Variants in MTSS2 observed in about 807,000 individuals in gnomAD.
MTSS2 encodes the protein protein MTSS 2.
In MTSS2, 27 loss-of-function variants were observed where a neutral mutation model predicts 67.1. That is an observed-to-expected ratio of 0.40 (90% CI 0.30 to 0.55). The LOEUF (loss-of-function observed/expected upper bound fraction) is 0.55, where lower values mean the gene tolerates loss of function less well. Among genes scored for constraint, MTSS2 ranks in the 20% least tolerant of loss-of-function variants. The pLI is 0.43. For synonymous variants in MTSS2, 624 were observed against 468.6 expected, an observed-to-expected ratio of 1.33 and a Z score of -4.28; for missense variants, 1,171 against 1,067.8, an observed-to-expected ratio of 1.10 and a Z score of -1.35.
intron 7 of MTSS2, 89 bp downstream of exon 7, chr16:70,679,226 A>G: frequency 6.7e-7 from 1 of 1,496,614 alleles, no homozygotes; most frequent in Non-Finnish European, 9.3e-7. Context: ...TGGCCTGGAG[A>G]GGTTCCTTCC....
intron 1 of MTSS2, among the ~76,000 whole-genome samples, chr16:70,681,682 T>G (rs1567507535): frequency 6.6e-6 from 1 of 152,208 alleles, no homozygotes. Context: ...AGAGCCACCT[T>G]TCTCCACCCC....
rs919648669 is a variant in MTSS2 at position 70,679,178 on chromosome 16, C to T, written c.466+137G>A. The T allele has an allele frequency of 4.6e-6, 5 of 1,089,306 alleles. No homozygotes were observed. The African/African-American group carries it at 7.8e-5, about 17-fold the overall frequency. The allele number at this position is 1,089,306 out of a possible 1,614,324, so 67.5% of individuals were successfully genotyped here. ...GCCCCAGGGGGACTGTGCCCCAGGCCCCTCCCTCGTGGACCGACCGCCTTC... is the reference window on the plus strand; with the variant it reads ...GCCCCAGGGGGACTGTGCCCCAGGCTCCTCCCTCGTGGACCGACCGCCTTC... On this transcript the variant is annotated intron_variant, in intron 7 of 14. Coordinates refer to ENST00000338779, the MANE Select transcript of MTSS2 (RefSeq NM_138383.3).
chr16:70,677,787 C>A lies in MTSS2; in HGVS notation c.732+5G>T, dbSNP rs113028668. ...CCCTGGCCCTTGGCCAGAGGGCTCC[C>A]GCACCTGCTCGCTGGCGGGAGGCAG... On this transcript the variant is annotated splice_donor_5th_base_variant and intron_variant, in intron 9 of 14. Transcript: ENST00000338779. The A allele has an allele frequency of 1.2e-6, 2 of 1,604,342 alleles. No homozygotes were observed. Among genetic ancestry groups the A allele is most frequent in the Non-Finnish European group, 1.7e-6 (2 of 1,176,184 alleles).
At chr16:70,671,179 C>T (rs897705014) in intron 11 of MTSS2, among the ~76,000 whole-genome samples, 2 of 151,794 alleles carry the variant, frequency 1.3e-5, no homozygotes, top group Admixed American at 6.6e-5. Context: ...ACTTGGGAGG[C>T]TGGCACAGGC....
chr16:70,685,046 G>A (rs2142949502), intron 1 of MTSS2, among the ~76,000 whole-genome samples: 1 of 152,296 alleles, frequency 6.6e-6, no homozygotes, highest in Non-Finnish European at 1.5e-5. Flanking sequence ...TGAGAGCCCA[G>A]GGTGGTAATG....
intron 11 of MTSS2, 100 bp downstream of exon 11, chr16:70,674,203 TATA>T: frequency 1.7e-5 from 3 of 175,444 alleles, no homozygotes; most frequent in Non-Finnish European, 2.9e-5. Flanking sequence ...TCTCAACAGC[TATA>T]GTAGTCTCAA....
At chr16:70,682,580 C>T (rs920130648) in intron 1 of MTSS2, among the ~76,000 whole-genome samples, 1 of 151,994 alleles carries the variant, frequency 6.6e-6, no homozygotes, top group African/African-American at 2.4e-5. Flanking sequence ...AGATGGGGCG[C>T]AGGGGAGGCC....
rs1216547774 is a variant in MTSS2 at position 70,663,785 on chromosome 16, T to TG, written c.2135dup (p.Ala713SerfsTer97). The TG allele has an allele frequency of 7.9e-7, 1 of 1,262,036 alleles. No homozygotes were observed. Among genetic ancestry groups the TG allele is most frequent in the South Asian group, 1.3e-5 (1 of 77,278 alleles). The allele number at this position is 1,262,036 out of a possible 1,614,324, so 78.2% of individuals were successfully genotyped here. A position where few individuals can be genotyped will look rare whatever the true frequency, so the allele number is the denominator to read the frequency against. ...CGGCCGGGGGGTCGCTGGTGGCGGC[T>TG]GGGGGTGGGGTGGGCGTCTCCTCCG... On this transcript the variant is annotated frameshift_variant, in exon 15 of 15. Coordinates refer to ENST00000338779, the MANE Select transcript of MTSS2 (RefSeq NM_138383.3). LOFTEE classifies it low-confidence loss of function (END_TRUNC).
chr16:70,668,998 C>T (rs2052824963), intron 11 of MTSS2, among the ~76,000 whole-genome samples: 1 of 152,030 alleles, frequency 6.6e-6, no homozygotes, highest in Non-Finnish European at 1.5e-5. Context: ...AGGACCCCTA[C>T]CTCACACCAC....
At position 70,676,975 on chromosome 16, in the gene MTSS2, T is replaced by C. The variant is rs757373252; in HGVS notation, c.736A>G (p.Ile246Val). 3 of 1,613,164 alleles carry C rather than the reference T, an allele frequency of 1.9e-6. No individual in the cohort carries two copies. The highest frequency in any genetic ancestry group is 1.7e-5 in the Admixed American group (1 of 59,978). ...TAGTCCGAGCCCTTTAGGTCTTTGA[T>C]TACCTGGACAGGGACATGGATGGGG... Reference protein sequence around the residue: ...HKLPPASEQVIKDLKGSDYSW... With the variant: ...HKLPPASEQVVKDLKGSDYSW... Residue 246 changes from isoleucine to valine, a missense_variant, in exon 10 of 15, where the codon ATC (isoleucine) becomes GTC (valine). Around this residue, in one of 2 missense-constraint regions of MTSS2, gnomAD observed 924 missense variants for 756.0 expected, o/e 1.22. Transcript: ENST00000338779.
intron 1 of MTSS2, among the ~76,000 whole-genome samples, chr16:70,681,451 C>T (rs1013945506): frequency 2.6e-5 from 4 of 152,362 alleles, no homozygotes; most frequent in African/African-American, 9.6e-5. Flanking sequence ...ACCTGCCCAC[C>T]AGGGGCAGAG....
In MTSS2 at chr16:70,664,466, C is replaced by G; in HGVS notation, c.1472-17G>C. ...AGTCGGAGCCTGGGGGCACGGGACA[C>G]AGTGAGGCCCAGGGCCCAGGTGGCC... On this transcript the variant is annotated splice_polypyrimidine_tract_variant and intron_variant, in intron 14 of 14. Transcript: ENST00000338779. 4 of 1,539,026 alleles carry G rather than the reference C, an allele frequency of 2.6e-6. No individual in the cohort carries two copies. Among genetic ancestry groups the G allele is most frequent in the Non-Finnish European group, 3.5e-6 (4 of 1,142,244 alleles).
Position 70,678,290 on chromosome 16 carries a change from G to A in MTSS2, c.586C>T (p.Arg196Cys), listed in dbSNP as rs1351182458. 2.5e-6 allele frequency: 4 copies of A among 1,611,954 alleles called. No individual in the cohort carries two copies. Among genetic ancestry groups the A allele is most frequent in the Non-Finnish European group, 3.4e-6 (4 of 1,179,926 alleles). The change falls in exon 8 of 15, where the codon CGC becomes TGC. Residue 196 changes from arginine (R) to cysteine (C), a missense_variant. By Grantham distance (180) the Arg-to-Cys change is radical (BLOSUM62 -3). Coordinates refer to ENST00000338779, the MANE Select transcript of MTSS2 (RefSeq NM_138383.3). ...VRRALIEERG[R>C]FCTFITFLQP... ...AGGAAGGTGATGAAGGTGCAGAAGC[G>A]GCCCCGCTCCTCGATCAGCGCCCGG...
chr16:70,681,793 T>TGGCCACCGA (rs2142920076), intron 1 of MTSS2, among the ~76,000 whole-genome samples: 2 of 152,370 alleles, frequency 1.3e-5, no homozygotes, highest in South Asian at 4.1e-4. Flanking sequence ...GTCGGGCTCC[T>TGGCCACCGA]GGCCACCGAG....
At chr16:70,666,289 G>C (rs1218543046) in intron 11 of MTSS2, among the ~76,000 whole-genome samples, 1 of 152,208 alleles carries the variant, frequency 6.6e-6, no homozygotes, top group Non-Finnish European at 1.5e-5. Context: ...ACCATAGAAG[G>C]GGGTGGGGGA....
At chr16:70,664,856 T>G (rs766611345) in intron 13 of MTSS2, 64 bp downstream of exon 13, 2 of 1,514,798 alleles carry the variant, frequency 1.3e-6, no homozygotes, top group Admixed American at 4.0e-5. Flanking sequence ...GAGCCGGCCC[T>G]GAGGCCACTG....
chr16:70,661,354 C>CAA lies in MTSS2; in HGVS notation c.*2321_*2322dup. 1 of 390,958 alleles carries CAA rather than the reference C, an allele frequency of 2.6e-6. No individual in the cohort carries two copies. The highest frequency in any genetic ancestry group is 4.8e-6 in the Non-Finnish European group (1 of 208,096). The allele number at this position is 390,958 out of a possible 1,614,324, so 24.2% of individuals were successfully genotyped here. The stretch of plus-strand genomic sequence containing the variant: ...CAAAATCTGACGGAAAGAAAAGAAA[C>CAA]AAATGGTTCAGATGGGACGGAGGGT... On this transcript the variant is annotated 3_prime_UTR_variant, in exon 15 of 15. Coordinates refer to ENST00000338779, the MANE Select transcript of MTSS2 (RefSeq NM_138383.3).
chr16:70,662,075 A>AC lies in MTSS2; in HGVS notation c.*1601dup, dbSNP rs2052498872. ...TTCTTCATCAGCTCCCTCTGATGGG[A>AC]CTCTGTCCACATCAGGGCCTGCTTG... On this transcript the variant is annotated 3_prime_UTR_variant, in exon 15 of 15. Coordinates refer to ENST00000338779, the MANE Select transcript of MTSS2 (RefSeq NM_138383.3). 1 of 151,596 alleles carries AC rather than the reference A, an allele frequency of 6.6e-6. No homozygotes were observed. Among genetic ancestry groups the AC allele is most frequent in the East Asian group, 2.0e-4 (1 of 5,128 alleles). The allele number at this position is 151,596 out of a possible 1,614,324, so 9.4% of individuals were successfully genotyped here. A position where few individuals can be genotyped will look rare whatever the true frequency, so the allele number is the denominator to read the frequency against.
rs2052465649 is a variant in MTSS2 at position 70,661,464 on chromosome 16, G to A, written c.*2213C>T. 1 of 359,248 alleles carries A rather than the reference G, an allele frequency of 2.8e-6. No individual in the cohort carries two copies. The highest frequency in any genetic ancestry group is 5.5e-6 in the Non-Finnish European group (1 of 182,036). The allele number at this position is 359,248 out of a possible 1,614,324, so 22.3% of individuals were successfully genotyped here. ...TAAAAAAAGGAACGAGTTAACAACAGCACCAGGAAAGTTACTTCAGTCAAA... is the reference window on the plus strand; with the variant it reads ...TAAAAAAAGGAACGAGTTAACAACAACACCAGGAAAGTTACTTCAGTCAAA... On this transcript the variant is annotated 3_prime_UTR_variant, in exon 15 of 15. Transcript: ENST00000338779.
Sources: allele counts gnomAD v4.1 joint callset (sites outside exome capture counted in the v4.1 genomes callset), GRCh38; gene constraint gnomAD v4.1.1; regional missense constraint gnomAD v4.1.1; transcripts MANE v1.5; gene names NCBI Gene and HGNC (gene_info 2026-07-23, HGNC 2026-07-21).